Variants in PCLO observed in about 807,000 individuals in gnomAD.
The protein encoded by PCLO is protein piccolo.
Under a neutral mutation model 427.5 loss-of-function variants are expected in PCLO, and 82 were observed. That is an observed-to-expected ratio of 0.19 (90% CI 0.16 to 0.23). The LOEUF is 0.23. Among genes scored for constraint, PCLO ranks in the 10% least tolerant of loss-of-function variants. The pLI is 1.00. For synonymous variants in PCLO, 2,357 were observed against 2,155.4 expected (o/e 1.09, Z -2.59); for missense variants, 6,239 against 6,115.9 (o/e 1.02, Z -0.67).
intron 21 of PCLO, among the ~76,000 whole-genome samples, chr7:82,803,894 G>A (rs551113302): frequency 6.6e-6 from 1 of 152,132 alleles, no homozygotes. Flanking sequence ...TGATTTACAA[G>A]AGAAACAGGA....
At chr7:83,115,054 C>G (rs1011109493) in intron 3 of PCLO, among the ~76,000 whole-genome samples, 1 of 151,864 alleles carries the variant, frequency 6.6e-6, no homozygotes, top group African/African-American at 2.4e-5. Flanking sequence ...ATGAATTAAA[C>G]AAGAATGAGA....
intron 6 of PCLO, among the ~76,000 whole-genome samples, chr7:82,932,289 G>A (rs921337006): frequency 2.0e-5 from 3 of 152,216 alleles, no homozygotes; most frequent in Middle Eastern, 3.4e-3. Context: ...GATTCATTCA[G>A]GGTAAATTTG....
At chr7:83,024,263 C>T (rs1175459780) in intron 3 of PCLO, among the ~76,000 whole-genome samples, 1 of 152,108 alleles carries the variant, frequency 6.6e-6, no homozygotes, top group African/African-American at 2.4e-5. Flanking sequence ...ATGCGCGAGC[C>T]GAAGCAGGGT....
intron 3 of PCLO, among the ~76,000 whole-genome samples, chr7:83,134,035 T>C (rs1791642101): frequency 6.6e-6 from 1 of 151,646 alleles, no homozygotes; most frequent in Non-Finnish European, 1.5e-5. Flanking sequence ...TCTTCTTACT[T>C]GTGGAACATT....
At position 82,822,539 on chromosome 7, in the gene PCLO, A is replaced by G. The variant is rs1161675732; in HGVS notation, c.14747T>C (p.Ile4916Thr). 1 of 1,613,916 alleles carries G rather than the reference A, an allele frequency of 6.2e-7. No individual in the cohort carries two copies. Among genetic ancestry groups the G allele is most frequent in the African/African-American group, 1.3e-5 (1 of 75,036 alleles). Residue 4916 changes from isoleucine to threonine, a missense_variant, in exon 20 of 25, where the codon ATA becomes ACA. This residue lies in a region of PCLO where 877 missense variants were observed against 925.5 expected (regional missense o/e 0.95). Coordinates refer to ENST00000333891, the MANE Select transcript of PCLO (RefSeq NM_033026.6). ...QTHLEDAGAAIAAAEAAVQQL... is the reference protein window; with the variant it reads ...QTHLEDAGAATAAAEAAVQQL... ...TTGCACGGCAGCTTCGGCAGCAGCT[A>G]TGGCAGCCCCTGCATCTTCCAGGTG...
At chr7:82,998,373 A>C (rs1787684535) in intron 3 of PCLO, among the ~76,000 whole-genome samples, 1 of 151,004 alleles carries the variant, frequency 6.6e-6, no homozygotes. Context: ...GTTTCTCTCA[A>C]CAAGGTCTGT....
At position 82,978,854 on chromosome 7, in the gene PCLO, ACAAACACAC is replaced by A. The variant is rs1562896052; in HGVS notation, c.3301-12376_3301-12368del. On this transcript the variant is annotated intron_variant, in intron 3 of 24. Transcript: ENST00000333891. ...ACAAGAAACACACACACACACACAC[ACAAACACAC>A]ACACACACACACACACACACACACA... Among the ~76,000 whole-genome samples, 816 of 100,126 alleles carry A rather than the reference ACAAACACAC, an allele frequency of 8.1e-3. 7 individuals carry two copies. Among genetic ancestry groups the A allele is most frequent in the African/African-American group, 0.026 (781 of 29,708 alleles). 65.7% of individuals were successfully genotyped at this position (100,126 alleles called of 152,430 possible).
At position 82,850,034 on chromosome 7, in the gene PCLO, G is replaced by A. The variant is rs146932815; in HGVS notation, c.13655-2787C>T. ...ATTATTTATTTATTTTTTGAGACAG[G>A]GTCTTGCACTATCACCCAGGCTAGA... is the stretch of plus-strand genomic sequence containing the variant. On this transcript the variant is annotated intron_variant, in intron 10 of 24. Coordinates refer to ENST00000333891, the MANE Select transcript of PCLO (RefSeq NM_033026.6). 4.9e-3 allele frequency among the ~76,000 whole-genome samples: 739 copies of A among 151,808 alleles called. 3 individuals are homozygous for A. Among genetic ancestry groups the A allele is most frequent in the South Asian group, 0.016 (76 of 4,806 alleles).
At chr7:83,055,007 G>C (rs1562941149) in intron 3 of PCLO, among the ~76,000 whole-genome samples, 1 of 151,986 alleles carries the variant, frequency 6.6e-6, no homozygotes, top group Non-Finnish European at 1.5e-5. Flanking sequence ...CTAAATTAGA[G>C]CCATCCTAAT....
At chr7:82,987,075 T>C (rs1332981367) in intron 3 of PCLO, among the ~76,000 whole-genome samples, 2 of 152,124 alleles carry the variant, frequency 1.3e-5, no homozygotes, top group Non-Finnish European at 1.5e-5. Flanking sequence ...AAATGAATCA[T>C]GGTAGATGGT....
In PCLO at chr7:82,915,222, A is replaced by C. The variant is rs752837053; in HGVS notation, c.12764T>G (p.Phe4255Cys). The change falls in exon 7 of 25, where the codon TTT (phenylalanine) becomes TGT (cysteine). Residue 4255 changes from phenylalanine to cysteine, a missense_variant. Around this residue, in one of 5 missense-constraint regions of PCLO, gnomAD observed 680 missense variants for 677.3 expected, o/e 1.00. Transcript: ENST00000333891. Reference sequence around the variant, plus strand: ...TCCTGTGCCAAGAGAAGATCCCATAAATTTTTGTTGGTCTGTAATATTTTT... The same window carrying C: ...TCCTGTGCCAAGAGAAGATCCCATACATTTTTGTTGGTCTGTAATATTTTT... ...LRKNITDQQK[F>C]MGSSLGTGLG... is the part of the protein sequence containing the mutation. 20 of 1,612,964 alleles carry C rather than the reference A, an allele frequency of 1.2e-5. No individual in the cohort carries two copies. The highest frequency in any genetic ancestry group is 1.7e-5 in the Non-Finnish European group (20 of 1,179,592).
At chr7:82,934,019 A>G (rs1373898521) in intron 6 of PCLO, among the ~76,000 whole-genome samples, 1 of 151,900 alleles carries the variant, frequency 6.6e-6, no homozygotes, top group Non-Finnish European at 1.5e-5. Context: ...GGCAAGTGAG[A>G]TTTTATTTTA....
chr7:82,848,924 G>T, intron 10 of PCLO: 1 of 409,066 alleles, frequency 2.4e-6, no homozygotes, highest in African/African-American at 2.0e-5. Context: ...ATCCCAGGCT[G>T]TTGTACATAT....
chr7:82,768,411 A>G (rs182258718), intron 22 of PCLO, among the ~76,000 whole-genome samples: 259 of 150,268 alleles, frequency 1.7e-3, no homozygotes, highest in Middle Eastern at 3.4e-3. Flanking sequence ...TGACAGAGTG[A>G]GACTCTGTCT....
chr7:83,135,138 CTGTGAGGGT>C lies in PCLO; in HGVS notation c.2403_2411del (p.Pro802_Gln804del), dbSNP rs1332146131. ...CTTTTTCCCCTGTTGGTGGAAAACTCTGTGAGGGTTTGGCAGAGTCTGTTTTTAGAGGAG... is the reference window on the plus strand; with the variant it reads ...CTTTTTCCCCTGTTGGTGGAAAACTCTTGGCAGAGTCTGTTTTTAGAGGAG... On this transcript the variant is annotated inframe_deletion, in exon 3 of 25. Coordinates refer to ENST00000333891, the MANE Select transcript of PCLO (RefSeq NM_033026.6). 1 of 1,613,884 alleles carries C rather than the reference CTGTGAGGGT, an allele frequency of 6.2e-7. No homozygotes were observed. The highest frequency in any genetic ancestry group is 2.2e-5 in the East Asian group (1 of 44,862).
intron 6 of PCLO, among the ~76,000 whole-genome samples, chr7:82,923,424 A>C (rs1157744304): frequency 6.6e-6 from 1 of 152,054 alleles, no homozygotes; most frequent in Non-Finnish European, 1.5e-5. Context: ...TACATATTAA[A>C]ATCTTTATTC....
chr7:82,779,629 T>G (rs575625817), intron 22 of PCLO, among the ~76,000 whole-genome samples: 1 of 152,198 alleles, frequency 6.6e-6, no homozygotes, highest in African/African-American at 2.4e-5. Context: ...ACAGGAAATT[T>G]TTTTTCTGAT....
At chr7:82,981,309 T>C (rs761087443) in intron 3 of PCLO, among the ~76,000 whole-genome samples, 15 of 151,070 alleles carry the variant, frequency 9.9e-5, no homozygotes, top group Non-Finnish European at 2.9e-5. Flanking sequence ...GAGGTAGAAT[T>C]ACCCAGAGAT....
At chr7:82,946,587 G>A (rs1421534194) in intron 6 of PCLO, among the ~76,000 whole-genome samples, 2 of 152,040 alleles carry the variant, frequency 1.3e-5, no homozygotes, top group Non-Finnish European at 2.9e-5. Flanking sequence ...GTATATCTGG[G>A]GAGATAGAGG....
Sources: gnomAD v4.1 joint callset for allele counts (sites outside exome capture counted in the v4.1 genomes callset) on GRCh38, gnomAD v4.1.1 for gene constraint, gnomAD v4.1.1 regional missense constraint, MANE v1.5 for transcripts, NCBI Gene and HGNC (gene_info 2026-07-23, HGNC 2026-07-21) for gene names.